The following ITGA6 variants were observed in gnomAD, a reference collection of about 807,000 sequenced individuals.
ITGA6 encodes the protein integrin alpha-6.
ITGA6 carries 63 observed loss-of-function variants against 133.6 expected under a neutral mutation model. That is an observed-to-expected ratio of 0.47 (90% CI 0.38 to 0.58). The LOEUF is 0.58. Among genes scored for constraint, ITGA6 ranks in the 20% least tolerant of loss-of-function variants. ITGA6 has a pLI of 0.00. For missense variants in ITGA6, 1,068 were observed against 1,309.4 expected, an observed-to-expected ratio of 0.82 and a Z score of 2.85; for synonymous variants, 434 against 482.0, an observed-to-expected ratio of 0.90 and a Z score of 1.30.
intron 23 of ITGA6, among the ~76,000 whole-genome samples, chr2:172,497,600 T>C (rs936406706): frequency 5.9e-5 from 9 of 152,290 alleles, no homozygotes; most frequent in African/African-American, 2.2e-4. Context: ...GGGTATCTTT[T>C]TGAGAGCAAT....
Position 172,465,680 on chromosome 2 carries a change from C to G in ITGA6, c.307+17C>G. 6.2e-7 allele frequency: 1 copy of G among 1,614,118 alleles called. No individual in the cohort carries two copies. Among genetic ancestry groups the G allele is most frequent in the Non-Finnish European group, 8.5e-7 (1 of 1,179,938 alleles). ...ATAACGATGGTGCGTTCCTTTCCCT[C>G]ACTCAGCGTTCACTCCGGCAGCTTG... On this transcript the variant is annotated intron_variant, in intron 2 of 25. Transcript: ENST00000684293.
Position 172,488,038 on chromosome 2 carries a change from G to A in ITGA6, c.2402G>A (p.Gly801Glu). 1 of 1,613,620 alleles carries A rather than the reference G, an allele frequency of 6.2e-7. No individual in the cohort carries two copies. Among genetic ancestry groups the A allele is most frequent in the South Asian group, 1.1e-5 (1 of 91,038 alleles). ...ATTGAACTGCTTTTATCGGTCTCGG[G>A]GTAAGTGTTTGTGTTTAGCATAACA... Reference protein sequence around the residue: ...VVIELLLSVSGVAKPSQVYFG... With the variant: ...VVIELLLSVSEVAKPSQVYFG... Residue 801 changes from glycine (G) to glutamate (E), a missense_variant and splice_region_variant, in exon 18 of 26, where the codon GGA becomes GAA. Coordinates refer to ENST00000684293, the MANE Select transcript of ITGA6 (RefSeq NM_000210.4).
At chr2:172,489,700 T>G in intron 20 of ITGA6, 42 bp downstream of exon 20, 20 of 1,526,226 alleles carry the variant, frequency 1.3e-5, no homozygotes, top group African/African-American at 2.7e-5. Context: ...AAATGCAAAT[T>G]AGAGAAACTA....
intron 1 of ITGA6, among the ~76,000 whole-genome samples, chr2:172,448,393 G>A (rs1684852945): frequency 6.6e-6 from 1 of 152,112 alleles, no homozygotes; most frequent in Non-Finnish European, 1.5e-5. Context: ...CTCCTGGTTT[G>A]TCACTTACCA....
At chr2:172,445,354 C>G (rs200014522) in intron 1 of ITGA6, among the ~76,000 whole-genome samples, 1 of 104,816 alleles carries the variant, frequency 9.5e-6, no homozygotes, top group Non-Finnish European at 2.0e-5. Flanking sequence ...TTTTTTTTAA[C>G]AAAAAAAAAA....
At chr2:172,476,615 T>C in intron 9 of ITGA6, 102 bp downstream of exon 9, 1 of 762,714 alleles carries the variant, frequency 1.3e-6, no homozygotes, top group South Asian at 1.4e-5. Context: ...ACTTCAAAGG[T>C]TTATATGAAT....
At chr2:172,474,314 C>T in intron 6 of ITGA6, 49 bp downstream of exon 6, 1 of 1,513,514 alleles carries the variant, frequency 6.6e-7, no homozygotes, top group Non-Finnish European at 9.2e-7. Context: ...TCTGCTTTGA[C>T]TAGCTTCTAT....
intron 1 of ITGA6, among the ~76,000 whole-genome samples, chr2:172,451,185 G>T (rs1684982078): frequency 6.6e-6 from 1 of 150,660 alleles, no homozygotes; most frequent in Non-Finnish European, 1.5e-5. Context: ...TAAAAATAGG[G>T]AAGGAGGCCG....
At chr2:172,469,793 A>G (rs1685840469) in intron 4 of ITGA6, among the ~76,000 whole-genome samples, 1 of 152,248 alleles carries the variant, frequency 6.6e-6, no homozygotes, top group African/African-American at 2.4e-5. Flanking sequence ...CAGAGTATTA[A>G]TATGGACATT....
At chr2:172,431,895 G>A (rs968243377) in intron 1 of ITGA6, among the ~76,000 whole-genome samples, 1 of 152,182 alleles carries the variant, frequency 6.6e-6, no homozygotes, top group South Asian at 2.1e-4. Context: ...GGGAAGTCAG[G>A]ATAAATGCTT....
At chr2:172,481,600 A>C (rs1686442606) in intron 11 of ITGA6, among the ~76,000 whole-genome samples, 1 of 152,036 alleles carries the variant, frequency 6.6e-6, no homozygotes, top group Non-Finnish European at 1.5e-5. Flanking sequence ...TCATCTTTCC[A>C]GATTTCGAGC....
In ITGA6 at chr2:172,469,277, A is replaced by T. The variant is rs765274490; in HGVS notation, c.540A>T (p.Arg180Ser). The change falls in exon 4 of 26, where the codon AGA (arginine) becomes AGT (serine). Residue 180 changes from arginine (R) to serine (S), a missense_variant. By Grantham distance (110) the Arg-to-Ser change is moderately radical. Transcript: ENST00000684293. ...GDWSFCDGRL[R>S]GHEKFGSCQQ... ...GGAGCTTTTGTGATGGGCGATTGAG[A>T]GGCCATGAGAAATTTGGCTCTTGCC... 3 of 1,614,134 alleles carry T rather than the reference A, an allele frequency of 1.9e-6. No individual in the cohort carries two copies. In the South Asian group the frequency reaches 3.3e-5, roughly 18 times the overall value.
At chr2:172,483,674 G>A (rs1686544120) in intron 11 of ITGA6, among the ~76,000 whole-genome samples, 1 of 152,196 alleles carries the variant, frequency 6.6e-6, no homozygotes, top group Non-Finnish European at 1.5e-5. Flanking sequence ...GGTTCCATTA[G>A]TGTAGGTTAT....
In ITGA6 at chr2:172,469,209, A is replaced by G; in HGVS notation, c.472A>G (p.Ser158Gly). Residue 158 changes from serine to glycine, a missense_variant, in exon 4 of 26, where the codon AGT (serine) becomes GGT (glycine). By Grantham distance (56) the Ser-to-Gly change is moderately conservative. Coordinates refer to ENST00000684293, the MANE Select transcript of ITGA6 (RefSeq NM_000210.4). ...RDIFGRCYVL[S>G]QNLRIEDDMD... ...CATCTTTGGGCGGTGTTATGTCCTG[A>G]GTCAGAATCTCAGGATTGAAGACGA... 6.2e-7 allele frequency: 1 copy of G among 1,614,176 alleles called. No individual in the cohort carries two copies. The highest frequency in any genetic ancestry group is 8.5e-7 in the Non-Finnish European group (1 of 1,180,010).
chr2:172,472,752 TC>T, intron 5 of ITGA6: 1 of 1,461,296 alleles, frequency 6.8e-7, no homozygotes, highest in African/African-American at 1.4e-5. Flanking sequence ...TTCAATTTCT[TC>T]CGTCCCGTGC....
chr2:172,465,428 T>C, intron 1 of ITGA6, 111 bp from the exon 2 acceptor site: 3 of 1,292,470 alleles, frequency 2.3e-6, no homozygotes, highest in Non-Finnish European at 3.3e-6. Flanking sequence ...TGTTGAAGAA[T>C]TAGTGGACTC....
intron 24 of ITGA6, among the ~76,000 whole-genome samples, chr2:172,499,129 A>G (rs1156314592): frequency 1.3e-5 from 2 of 152,182 alleles, no homozygotes; most frequent in African/African-American, 2.4e-5. Flanking sequence ...GGTTCAAGAT[A>G]GTCTTACTTG....
rs960997579 is a variant in ITGA6 at position 172,504,896 on chromosome 2, G to A, written c.*828G>A. The A allele has an allele frequency of 1.3e-5, 2 of 152,566 alleles. No individual in the cohort carries two copies. The highest frequency in any genetic ancestry group is 4.8e-5 in the African/African-American group (2 of 41,440). 9.5% of individuals were successfully genotyped at this position (152,566 alleles called of 1,614,324 possible). ...ATGCTAGTTATACTTATTTGTATAT[G>A]GTATTTATTTTTTCTTTTCTTTACA... On this transcript the variant is annotated 3_prime_UTR_variant, in exon 26 of 26. Transcript: ENST00000684293.
At chr2:172,444,066 G>A (rs1377266130) in intron 1 of ITGA6, among the ~76,000 whole-genome samples, 2 of 152,318 alleles carry the variant, frequency 1.3e-5, no homozygotes, top group African/African-American at 2.4e-5. Context: ...GAGCCACCAT[G>A]CCTGGCCCAT....
Sources: allele counts gnomAD v4.1 joint callset (sites outside exome capture counted in the v4.1 genomes callset), GRCh38; gene constraint gnomAD v4.1.1; transcripts MANE v1.5; gene names NCBI Gene and HGNC (gene_info 2026-07-23, HGNC 2026-07-21).